CCDC102B: variants seen among roughly 807,000 people sequenced by gnomAD.
CCDC102B encodes the protein coiled-coil domain-containing protein 102B.
Under a neutral mutation model 57.4 loss-of-function variants are expected in CCDC102B, and 75 were observed. The observed-to-expected ratio is 1.31, with a 90% CI of 1.08 to 1.58. CCDC102B has a LOEUF of 1.58. CCDC102B is among the 40% of genes most tolerant of loss of function. The pLI, the probability that CCDC102B is intolerant of heterozygous loss-of-function variation, is 0.00. For synonymous variants in CCDC102B, 206 were observed against 201.9 expected, an observed-to-expected ratio of 1.02 and a Z score of -0.17; for missense variants, 636 against 582.6, an observed-to-expected ratio of 1.09 and a Z score of -0.94.
intron 2 of CCDC102B, among the ~76,000 whole-genome samples, chr18:68,742,859 G>A (rs1037180718): frequency 1.3e-5 from 2 of 152,178 alleles, no homozygotes; most frequent in African/African-American, 2.4e-5. Flanking sequence ...AAGAGGCACT[G>A]TAATTAAGGT....
intron 5 of CCDC102B, among the ~76,000 whole-genome samples, chr18:68,875,296 A>G (rs1568304776): frequency 6.6e-6 from 1 of 152,280 alleles, no homozygotes; most frequent in East Asian, 1.9e-4. Flanking sequence ...GAATTTTCGC[A>G]AATGTGTAAA....
intron 7 of CCDC102B, among the ~76,000 whole-genome samples, chr18:69,020,495 A>G (rs965070098): frequency 6.6e-6 from 1 of 152,134 alleles, no homozygotes; most frequent in African/African-American, 2.4e-5. Context: ...TAAAAAAATA[A>G]TACTCAAGTG....
chr18:68,922,190 C>T (rs527971494), intron 6 of CCDC102B, among the ~76,000 whole-genome samples: 1 of 152,280 alleles, frequency 6.6e-6, no homozygotes, highest in East Asian at 1.9e-4. Flanking sequence ...CTCATATGCA[C>T]TGCTCCACCT....
chr18:68,742,487 A>G (rs1036719837), intron 2 of CCDC102B, among the ~76,000 whole-genome samples: 1 of 152,304 alleles, frequency 6.6e-6, no homozygotes, highest in East Asian at 1.9e-4. Context: ...TCAAACCACA[A>G]CTGACTATTA....
At chr18:68,961,451 G>A (rs547824700) in intron 6 of CCDC102B, among the ~76,000 whole-genome samples, 1 of 151,794 alleles carries the variant, frequency 6.6e-6, no homozygotes, top group South Asian at 2.1e-4. Context: ...CATTCTTTTG[G>A]TAATAAGATG....
intron 7 of CCDC102B, among the ~76,000 whole-genome samples, chr18:69,039,083 T>C (rs927017063): frequency 1.3e-5 from 2 of 152,022 alleles, no homozygotes. Context: ...GCTTACCACG[T>C]TGCAACCATA....
intron 5 of CCDC102B, among the ~76,000 whole-genome samples, chr18:68,889,494 A>G (rs1293792405): frequency 6.6e-6 from 1 of 152,170 alleles, no homozygotes; most frequent in African/African-American, 2.4e-5. Context: ...GTCTCAGCTC[A>G]CCGCAACCTC....
At chr18:68,871,362 T>G (rs926620399) in intron 4 of CCDC102B, among the ~76,000 whole-genome samples, 1 of 152,066 alleles carries the variant, frequency 6.6e-6, no homozygotes, top group South Asian at 2.1e-4. Context: ...TTCCACTAAA[T>G]TAATCATTGT....
chr18:68,872,334 G>A (rs1476359630), intron 4 of CCDC102B, among the ~76,000 whole-genome samples: 2 of 152,052 alleles, frequency 1.3e-5, no homozygotes, highest in African/African-American at 2.4e-5. Context: ...ACTGTCCAAT[G>A]GAGTAGATCA....
chr18:68,938,203 A>G (rs17079930), intron 6 of CCDC102B, among the ~76,000 whole-genome samples: 39,209 of 152,022 alleles, frequency 0.26, 6,489 homozygotes, highest in East Asian at 0.61. Flanking sequence ...ATACTATAAT[A>G]CAATCTATGA....
intron 6 of CCDC102B, among the ~76,000 whole-genome samples, chr18:68,933,700 A>C (rs2041754117): frequency 6.6e-6 from 1 of 151,926 alleles, no homozygotes; most frequent in Non-Finnish European, 1.5e-5. Flanking sequence ...CTTTATTACA[A>C]TCATATCAGT....
intron 6 of CCDC102B, among the ~76,000 whole-genome samples, chr18:68,901,089 C>T (rs1336700903): frequency 2.6e-5 from 4 of 152,074 alleles, no homozygotes; most frequent in East Asian, 1.9e-4. Flanking sequence ...AAATCTTACC[C>T]GAGGAATGTG....
At chr18:69,042,912 T>G (rs1322135705) in intron 7 of CCDC102B, among the ~76,000 whole-genome samples, 1 of 152,010 alleles carries the variant, frequency 6.6e-6, no homozygotes, top group Non-Finnish European at 1.5e-5. Context: ...AACGAGAGAC[T>G]TGGAAAAGAA....
At chr18:68,791,783 T>G (rs962815081) in intron 2 of CCDC102B, among the ~76,000 whole-genome samples, 1 of 152,096 alleles carries the variant, frequency 6.6e-6, no homozygotes, top group African/African-American at 2.4e-5. Context: ...CAATGAGACT[T>G]GGAATAATGG....
chr18:68,983,964 A>T (rs1216831628), intron 6 of CCDC102B, among the ~76,000 whole-genome samples: 1 of 151,986 alleles, frequency 6.6e-6, no homozygotes, highest in African/African-American at 2.4e-5. Context: ...TTCAAGAAAA[A>T]AAATTCCAAA....
chr18:68,992,980 G>T, intron 6 of CCDC102B: 1 of 167,766 alleles, frequency 6.0e-6, no homozygotes, highest in Non-Finnish European at 1.4e-5. Flanking sequence ...ACTCAGAGCT[G>T]CATCCGCTTC....
chr18:68,903,943 GT>G (rs1288418470), intron 6 of CCDC102B, among the ~76,000 whole-genome samples: 1 of 152,160 alleles, frequency 6.6e-6, no homozygotes, highest in Non-Finnish European at 1.5e-5. Flanking sequence ...ATTACAATGT[GT>G]TTATTTTGTT....
chr18:68,930,121 A>G (rs964286013), intron 6 of CCDC102B, among the ~76,000 whole-genome samples: 11 of 151,348 alleles, frequency 7.3e-5, no homozygotes, highest in African/African-American at 1.7e-4. Flanking sequence ...ACAAAGGCCA[A>G]TGTAGTCTGT....
In CCDC102B at chr18:69,054,827, A is replaced by G. The variant is rs530441749; in HGVS notation, c.*690A>G. The stretch of plus-strand genomic sequence containing the variant: ...ACATTTCTACAGTAAAATCATGGAA[A>G]GGCATCAGCATTGCAAAGTAGCATC... On this transcript the variant is annotated 3_prime_UTR_variant, in exon 8 of 8. Transcript: ENST00000360242. The G allele has an allele frequency of 1.0e-6, 1 of 985,348 alleles. No individual in the cohort carries two copies. Among genetic ancestry groups the G allele is most frequent in the East Asian group, 1.1e-4 (1 of 8,796 alleles). The allele number at this position is 985,348 out of a possible 1,614,324, so 61.0% of individuals were successfully genotyped here.
Sources: gnomAD v4.1 joint callset for allele counts (sites outside exome capture counted in the v4.1 genomes callset) on GRCh38, gnomAD v4.1.1 for gene constraint, MANE v1.5 for transcripts, NCBI Gene and HGNC (gene_info 2026-07-23, HGNC 2026-07-21) for gene names.